The following KIF7 variants were observed in gnomAD, a reference collection of about 807,000 sequenced individuals.
KIF7 encodes kinesin-like protein KIF7.
A neutral mutation model predicts 135.7 loss-of-function variants in KIF7; 104 were observed. That is an observed-to-expected ratio of 0.77 (90% CI 0.65 to 0.90). KIF7 has a LOEUF of 0.90. Among genes scored for constraint, KIF7 ranks in the 40% least tolerant of loss-of-function variants. KIF7 has a pLI of 0.00. For missense variants in KIF7, 2,005 were observed against 1,839.1 expected, an observed-to-expected ratio of 1.09 and a Z score of -1.65; for synonymous variants, 883 against 809.4, an observed-to-expected ratio of 1.09 and a Z score of -1.54.
At chr15:89,654,918 C>A (rs1409439352) in intron 1 of KIF7, among the ~76,000 whole-genome samples, 2 of 152,254 alleles carry the variant, frequency 1.3e-5, no homozygotes, top group Non-Finnish European at 2.9e-5. Context: ...ACCGTGTGGG[C>A]CTTCGCGCAC....
chr15:89,624,150 A>G, downstream of KIF7: 2 of 1,614,086 alleles, frequency 1.2e-6, no homozygotes, highest in South Asian at 2.2e-5. Flanking sequence ...CAGAGGAACC[A>G]GCCCAGAAAC....
At position 89,618,183 on chromosome 15, in the gene KIF7, G is replaced by T. The variant is rs1196647777; in HGVS notation, c.194C>A (p.Thr65Lys). ...TGATCCTGGTCCTGATATTGGTGTTGTTGAAGAGTCCCCTGAAAAAGGAGA... is the reference window on the plus strand; with the variant it reads ...TGATCCTGGTCCTGATATTGGTGTTTTTGAAGAGTCCCCTGAAAAAGGAGA... The change falls in exon 2 of 3, where the codon ACA (threonine) becomes AAA (lysine). Residue 65 changes from threonine (T) to lysine (K), a missense_variant and NMD_transcript_variant. Coordinates refer to the KIF7 transcript ENST00000558928. 5.0e-6 allele frequency: 8 copies of T among 1,614,176 alleles called. No homozygotes were observed. Among genetic ancestry groups the T allele is most frequent in the Non-Finnish European group, 6.8e-6 (8 of 1,180,024 alleles).
chr15:89,653,130 A>G (rs1964151734), intron 1 of KIF7, among the ~76,000 whole-genome samples, 176 bp from the exon 2 acceptor site: 1 of 152,224 alleles, frequency 6.6e-6, no homozygotes, highest in African/African-American at 2.4e-5. Context: ...TGCAAGGGCC[A>G]TGATATATAT....
intron 15 of KIF7, among the ~76,000 whole-genome samples, chr15:89,631,215 A>G (rs1344650785): frequency 1.3e-5 from 2 of 152,222 alleles, no homozygotes; most frequent in African/African-American, 4.8e-5. Flanking sequence ...ACGTGTGGGC[A>G]GGTACTCGAA....
downstream of KIF7, among the ~76,000 whole-genome samples, chr15:89,623,305 G>T (rs777854381): frequency 2.6e-5 from 4 of 152,218 alleles, no homozygotes; most frequent in Non-Finnish European, 2.9e-5. Context: ...CTGAAAAGAA[G>T]GAAGAGCTAG....
intron 11 of KIF7, among the ~76,000 whole-genome samples, chr15:89,640,423 G>T (rs1026921586): frequency 2.0e-5 from 3 of 152,182 alleles, no homozygotes; most frequent in Admixed American, 2.0e-4. Context: ...TACAAAAAGT[G>T]TAATTATGAT....
intron 1 of KIF7, 76 bp from the exon 2 acceptor site, chr15:89,653,030 G>A: frequency 8.7e-7 from 1 of 1,153,836 alleles, no homozygotes; most frequent in Non-Finnish European, 1.2e-6. Flanking sequence ...GGGGACTCGA[G>A]CCAGATCCTG....
At chr15:89,623,499 T>G, downstream of KIF7, 2 of 1,045,592 alleles carry the variant, frequency 1.9e-6, no homozygotes, top group Non-Finnish European at 2.8e-6. Flanking sequence ...ATTTGAGATT[T>G]CCATCTTTAG....
chr15:89,624,969 T>C (rs773252713), downstream of KIF7: 4 of 1,614,114 alleles, frequency 2.5e-6, no homozygotes, highest in South Asian at 4.4e-5. Context: ...CCACAGACTC[T>C]GCCAGCCCAC....
chr15:89,625,201 C>A, downstream of KIF7: 1 of 1,613,778 alleles, frequency 6.2e-7, no homozygotes, highest in South Asian at 1.1e-5. Flanking sequence ...CCGCCTCTCC[C>A]ACAGCACACC....
chr15:89,658,229 T>G (rs781047414), upstream of KIF7, among the ~76,000 whole-genome samples: 1 of 152,032 alleles, frequency 6.6e-6, no homozygotes, highest in Non-Finnish European at 1.5e-5. Context: ...AGTGGGAGGA[T>G]AGCTTGAGCC....
At chr15:89,618,044 C>T (rs1037438643) in exon 2 of KIF7, 1 of 1,151,890 alleles carries the variant, frequency 8.7e-7, no homozygotes, top group African/African-American at 1.5e-5. Flanking sequence ...CTGGTGTTAT[C>T]AGACCCTGTG....
chr15:89,623,926 T>A (rs202118751), downstream of KIF7: 319 of 1,612,814 alleles, frequency 2.0e-4, no homozygotes, highest in Non-Finnish European at 2.5e-4. Context: ...GCCGCCTGGG[T>A]TTTTGCCAAA....
intron 11 of KIF7, among the ~76,000 whole-genome samples, chr15:89,635,327 G>A (rs911929560): frequency 2.6e-5 from 4 of 152,234 alleles, no homozygotes; most frequent in African/African-American, 7.2e-5. Flanking sequence ...GCTGGATGGA[G>A]AATGACTTTG....
rs566270031 is a variant in KIF7 at position 89,629,175 on chromosome 15, G to A, written c.3518-53C>T. 58 of 1,554,798 alleles carry A rather than the reference G, an allele frequency of 3.7e-5. No individual in the cohort carries two copies. The African/African-American group carries it at 5.5e-4, about 15-fold the overall frequency. ...GGTGAGGGCTGCAGGCGGGGCAGGC[G>A]GCCAGGGCTGTGGGGGTGGGGGCTG... On this transcript the variant is annotated intron_variant, in intron 17 of 18. Coordinates refer to ENST00000394412, the MANE Select transcript of KIF7 (RefSeq NM_198525.3).
At chr15:89,663,028 C>T in the KIF7 span, among the ~76,000 whole-genome samples, 1 of 152,206 alleles carries the variant, frequency 6.6e-6, no homozygotes, top group Non-Finnish European at 1.5e-5. Context: ...GGCATGTTGG[C>T]GGCCACAGCC....
intron 11 of KIF7, among the ~76,000 whole-genome samples, chr15:89,634,453 C>T (rs916681762): frequency 6.6e-6 from 1 of 152,288 alleles, no homozygotes; most frequent in Non-Finnish European, 1.5e-5. Flanking sequence ...ACAGTGGGCG[C>T]AGGTCAGTGG....
Position 89,642,270 on chromosome 15 carries a change from T to C in KIF7, c.2327A>G (p.Asp776Gly), listed in dbSNP as rs1435993407. ...LRELEGKELQ[D>G]AGERSRLQEF... ...CTGGAGCCGAGACCGCTCGCCAGCA[T>C]CCTGGAGCTCCTTGCCCTCGAGCTC... Residue 776 changes from aspartate (D) to glycine (G), a missense_variant, in exon 11 of 19, where the codon GAT becomes GGT. By Grantham distance (94) the Asp-to-Gly change is moderately conservative. Coordinates refer to ENST00000394412, the MANE Select transcript of KIF7 (RefSeq NM_198525.3). The C allele has an allele frequency of 1.2e-6, 2 of 1,610,442 alleles. No individual in the cohort carries two copies. Among genetic ancestry groups the C allele is most frequent in the African/African-American group, 2.7e-5 (2 of 75,012 alleles).
At chr15:89,651,643 CA>C (rs2142034680) in intron 2 of KIF7, among the ~76,000 whole-genome samples, 1 of 152,346 alleles carries the variant, frequency 6.6e-6, no homozygotes, top group East Asian at 1.9e-4. Flanking sequence ...GGAAGGCTAA[CA>C]GGGCAGGGGA....
Sources: allele counts gnomAD v4.1 joint callset (sites outside exome capture counted in the v4.1 genomes callset), GRCh38; gene constraint gnomAD v4.1.1; transcripts MANE v1.5; gene names NCBI Gene and HGNC (gene_info 2026-07-23, HGNC 2026-07-21).